DLGAP2: variants seen among roughly 807,000 people sequenced by gnomAD.
The protein encoded by DLGAP2 is DLG associated protein 2.
DLGAP2 carries 26 observed loss-of-function variants against 100.3 expected under a neutral mutation model. The observed-to-expected ratio is 0.26, with a 90% CI of 0.19 to 0.36. The LOEUF is 0.36. DLGAP2 is among the 10% of genes least tolerant of loss of function. The pLI, the probability that DLGAP2 is intolerant of heterozygous loss-of-function variation, is 1.00. For synonymous variants in DLGAP2, 886 were observed against 630.1 expected (o/e 1.41, Z -6.08); for missense variants, 1,858 against 1,453.2 (o/e 1.28, Z -4.53).
At chr8:1,408,168 T>G (rs1796627113) in intron 3 of DLGAP2, among the ~76,000 whole-genome samples, 1 of 152,242 alleles carries the variant, frequency 6.6e-6, no homozygotes, top group Admixed American at 6.5e-5. Flanking sequence ...CATCTCCAGC[T>G]AGCATTTTAT....
intron 3 of DLGAP2, among the ~76,000 whole-genome samples, chr8:1,370,955 G>A (rs1056632442): frequency 6.6e-6 from 1 of 152,240 alleles, no homozygotes; most frequent in African/African-American, 2.4e-5. Context: ...TCATCTGTAT[G>A]TTAGGCGCCT....
At chr8:1,689,972 C>A (rs142094099) in intron 12 of DLGAP2, among the ~76,000 whole-genome samples, 1 of 152,172 alleles carries the variant, frequency 6.6e-6, no homozygotes, top group Non-Finnish European at 1.5e-5. Flanking sequence ...GGGTTCCAGT[C>A]GATTCCTGTG....
chr8:1,090,885 A>G (rs978583950), intron 2 of DLGAP2, among the ~76,000 whole-genome samples: 3 of 152,254 alleles, frequency 2.0e-5, no homozygotes, highest in Non-Finnish European at 2.9e-5. Flanking sequence ...ATCATTTTCT[A>G]TAATTTCTAT....
At chr8:1,255,043 C>T in intron 2 of DLGAP2, among the ~76,000 whole-genome samples, 1 of 95,716 alleles carries the variant, frequency 1.0e-5, no homozygotes, top group Non-Finnish European at 2.3e-5. Flanking sequence ...TGCCCAGCCG[C>T]TGTGTGTGTG....
intron 3 of DLGAP2, among the ~76,000 whole-genome samples, chr8:1,334,944 A>T (rs774619102): frequency 7.2e-4 from 110 of 152,142 alleles, no homozygotes; most frequent in Non-Finnish European, 1.5e-3. Flanking sequence ...ATCTCCCATC[A>T]GGCAGTATCC....
intron 2 of DLGAP2, among the ~76,000 whole-genome samples, chr8:982,615 G>A (rs1207612402): frequency 6.6e-6 from 1 of 152,200 alleles, no homozygotes; most frequent in Non-Finnish European, 1.5e-5. Flanking sequence ...GGAAGATGAG[G>A]ATTCTTTGCT....
intron 4 of DLGAP2, among the ~76,000 whole-genome samples, chr8:1,521,901 G>T (rs1334462207): frequency 6.6e-6 from 1 of 150,754 alleles, no homozygotes; most frequent in Middle Eastern, 3.2e-3. Context: ...GGAATACTCG[G>T]GTGGCAGGTG....
intron 2 of DLGAP2, among the ~76,000 whole-genome samples, chr8:1,033,780 T>C (rs1265945935): frequency 2.1e-4 from 26 of 123,704 alleles, no homozygotes; most frequent in East Asian, 8.2e-4. Flanking sequence ...CGCGAGTGGG[T>C]TCACACGCTC....
chr8:888,819 G>C (rs914195892), intron 1 of DLGAP2, among the ~76,000 whole-genome samples: 4 of 152,120 alleles, frequency 2.6e-5, no homozygotes, highest in Non-Finnish European at 5.9e-5. Context: ...TGTGTACAGG[G>C]TGTGTGACAA....
intron 3 of DLGAP2, among the ~76,000 whole-genome samples, chr8:1,485,606 GGA>G (rs1799216958): frequency 6.6e-6 from 1 of 152,242 alleles, no homozygotes; most frequent in African/African-American, 2.4e-5. Context: ...GTTCACTGAA[GGA>G]GAACGCTTCA....
At chr8:1,318,753 G>C (rs1038299616) in intron 3 of DLGAP2, among the ~76,000 whole-genome samples, 7 of 148,916 alleles carry the variant, frequency 4.7e-5, no homozygotes, top group Non-Finnish European at 8.9e-5. Flanking sequence ...TGTTTTCATT[G>C]TAACTAATCC....
intron 1 of DLGAP2, among the ~76,000 whole-genome samples, chr8:772,327 T>C (rs1326117954): frequency 1.3e-5 from 2 of 151,996 alleles, no homozygotes; most frequent in Non-Finnish European, 2.9e-5. Context: ...ATATTAATAT[T>C]AATAATTTTT....
intron 3 of DLGAP2, among the ~76,000 whole-genome samples, chr8:1,354,357 A>G (rs1331398395): frequency 6.6e-6 from 1 of 152,108 alleles, no homozygotes; most frequent in Non-Finnish European, 1.5e-5. Flanking sequence ...AATACAAAAA[A>G]TACAAAGTAT....
At chr8:1,427,757 C>A (rs1252941772) in intron 3 of DLGAP2, among the ~76,000 whole-genome samples, 1 of 152,320 alleles carries the variant, frequency 6.6e-6, no homozygotes, top group South Asian at 2.1e-4. Flanking sequence ...CATCTCCCAC[C>A]ATGATTGTGA....
chr8:1,510,302 C>T (rs892791519), intron 4 of DLGAP2, among the ~76,000 whole-genome samples: 4 of 152,188 alleles, frequency 2.6e-5, no homozygotes, highest in Non-Finnish European at 4.4e-5. Flanking sequence ...CTTCCAGGCT[C>T]ATAGGAAGTG....
chr8:1,127,322 A>G (rs1796190459), intron 2 of DLGAP2, among the ~76,000 whole-genome samples: 1 of 151,868 alleles, frequency 6.6e-6, no homozygotes, highest in Admixed American at 6.6e-5. Flanking sequence ...TGCTACAGCC[A>G]CCATGAGGGG....
At chr8:780,319 G>A (rs780347482) in intron 1 of DLGAP2, among the ~76,000 whole-genome samples, 26 of 152,106 alleles carry the variant, frequency 1.7e-4, no homozygotes, top group Non-Finnish European at 3.4e-4. Flanking sequence ...TTAATAACAG[G>A]ATTTCTTTTT....
At position 1,101,057 on chromosome 8, in the gene DLGAP2, C is replaced by G. The variant is rs567660095; in HGVS notation, c.74-157794C>G. On this transcript the variant is annotated intron_variant, in intron 2 of 14. Transcript: ENST00000637795. Reference sequence around the variant, plus strand: ...TTTCTTCTGGGGTTCCTGGCGTTCACAAGCCCACGTCTACTCCTCAGGGGC... The same window carrying G: ...TTTCTTCTGGGGTTCCTGGCGTTCAGAAGCCCACGTCTACTCCTCAGGGGC... Among the ~76,000 whole-genome samples the G allele has an allele frequency of 1.9e-3, 285 of 152,322 alleles. 1 individual carries two copies. Among genetic ancestry groups the G allele is most frequent in the Non-Finnish European group, 3.2e-3 (215 of 68,038 alleles).
intron 2 of DLGAP2, among the ~76,000 whole-genome samples, chr8:1,176,416 G>T (rs542491981): frequency 6.6e-6 from 1 of 152,328 alleles, no homozygotes; most frequent in Non-Finnish European, 1.5e-5. Context: ...AGCTCCGTTA[G>T]ATCTACACTT....
Sources: gnomAD v4.1 joint callset for allele counts (sites outside exome capture counted in the v4.1 genomes callset) on GRCh38, gnomAD v4.1.1 for gene constraint, MANE v1.5 for transcripts, NCBI Gene and HGNC (gene_info 2026-07-23, HGNC 2026-07-21) for gene names.